Variants in CAMK1D observed in about 807,000 individuals in gnomAD.
The protein encoded by CAMK1D is calcium/calmodulin dependent protein kinase ID.
In CAMK1D, 9 loss-of-function variants were observed where a neutral mutation model predicts 47.7. That is an observed-to-expected ratio of 0.19 (90% CI 0.11 to 0.33). CAMK1D has a LOEUF of 0.33. Ranked by LOEUF, CAMK1D falls within the 10% of genes least tolerant of loss-of-function variation. CAMK1D has a pLI of 1.00. For synonymous variants in CAMK1D, 184 were observed against 184.9 expected, an observed-to-expected ratio of 0.99 and a Z score of 0.04; for missense variants, 291 against 488.7, an observed-to-expected ratio of 0.60 and a Z score of 3.81.
chr10:12,432,382 C>T (rs12217581), intron 1 of CAMK1D, among the ~76,000 whole-genome samples: 20,504 of 152,230 alleles, frequency 0.13, 1,719 homozygotes, highest in Admixed American at 0.24. Flanking sequence ...CAGCTGGGGC[C>T]TGGTTTGAAG....
At chr10:12,483,079 G>C (rs993834345) in intron 1 of CAMK1D, among the ~76,000 whole-genome samples, 1 of 152,114 alleles carries the variant, frequency 6.6e-6, no homozygotes, top group African/African-American at 2.4e-5. Context: ...CTAATGCCCA[G>C]CTTCCTCCCT....
intron 1 of CAMK1D, among the ~76,000 whole-genome samples, chr10:12,484,573 T>C (rs1163602687): frequency 6.6e-6 from 1 of 152,138 alleles, no homozygotes; most frequent in African/African-American, 2.4e-5. Flanking sequence ...TGAGCTTACT[T>C]GTTCTTCCAA....
At chr10:12,769,869 G>GTCA in intron 5 of CAMK1D, 70 bp downstream of exon 5, 1 of 1,552,774 alleles carries the variant, frequency 6.4e-7, no homozygotes, top group South Asian at 1.1e-5. Flanking sequence ...GTCACCACGT[G>GTCA]TCAACTCATC....
chr10:12,412,729 C>T (rs1839706927), intron 1 of CAMK1D, among the ~76,000 whole-genome samples: 1 of 147,410 alleles, frequency 6.8e-6, no homozygotes, highest in Non-Finnish European at 1.5e-5. Flanking sequence ...GAACAGGTGT[C>T]CATTAAAAAG....
At chr10:12,799,094 G>A (rs1462681857) in intron 6 of CAMK1D, among the ~76,000 whole-genome samples, 1 of 152,208 alleles carries the variant, frequency 6.6e-6, no homozygotes, top group Non-Finnish European at 1.5e-5. Flanking sequence ...ACACCAGCAA[G>A]TCAGGGAAAC....
intron 8 of CAMK1D, 114 bp from the exon 9 acceptor site, chr10:12,824,351 C>CTG (rs1833122305): frequency 2.4e-6 from 2 of 847,160 alleles, no homozygotes; most frequent in East Asian, 5.2e-5. Flanking sequence ...GCCAGCCACC[C>CTG]TGTCCACGAC....
intron 5 of CAMK1D, among the ~76,000 whole-genome samples, chr10:12,771,263 CCTTT>C (rs1308003634): frequency 1.3e-5 from 2 of 152,204 alleles, no homozygotes; most frequent in Admixed American, 1.3e-4. Context: ...AGTGCGGTGA[CCTTT>C]CTTCATGAGA....
At chr10:12,724,594 T>A (rs995653903) in intron 3 of CAMK1D, among the ~76,000 whole-genome samples, 1 of 152,232 alleles carries the variant, frequency 6.6e-6, no homozygotes, top group Non-Finnish European at 1.5e-5. Flanking sequence ...AGTGAATACA[T>A]CCCAGTTGTC....
intron 5 of CAMK1D, among the ~76,000 whole-genome samples, chr10:12,772,414 G>A (rs1015164911): frequency 1.3e-5 from 2 of 152,192 alleles, no homozygotes; most frequent in African/African-American, 4.8e-5. Flanking sequence ...TTCCCTTCAG[G>A]AAGTTGACCC....
At chr10:12,575,751 G>A (rs765655849) in intron 2 of CAMK1D, among the ~76,000 whole-genome samples, 2 of 152,188 alleles carry the variant, frequency 1.3e-5, no homozygotes, top group Admixed American at 6.5e-5. Flanking sequence ...AAGAATTCGC[G>A]CTCCTCTGCC....
chr10:12,699,013 G>A (rs1833407015), intron 3 of CAMK1D, among the ~76,000 whole-genome samples: 2 of 151,922 alleles, frequency 1.3e-5, no homozygotes, highest in Non-Finnish European at 2.9e-5. Flanking sequence ...AAAGAAATCA[G>A]AAGGAGCCAA....
intron 5 of CAMK1D, among the ~76,000 whole-genome samples, chr10:12,788,483 G>A (rs889442857): frequency 7.9e-5 from 12 of 152,230 alleles, no homozygotes; most frequent in African/African-American, 2.9e-4. Flanking sequence ...AACACACGCT[G>A]TCAGCTCTGC....
intron 1 of CAMK1D, among the ~76,000 whole-genome samples, chr10:12,544,179 A>G (rs1267823422): frequency 2.0e-5 from 3 of 152,228 alleles, no homozygotes; most frequent in African/African-American, 7.2e-5. Context: ...AACATTTAGC[A>G]TTTCAAGATT....
At chr10:12,692,546 G>A (rs991294605) in intron 3 of CAMK1D, among the ~76,000 whole-genome samples, 1 of 152,224 alleles carries the variant, frequency 6.6e-6, no homozygotes, top group Admixed American at 6.5e-5. Context: ...CCCTTTCTAA[G>A]CATGAAGTAA....
At chr10:12,529,960 A>G (rs944974665) in intron 1 of CAMK1D, among the ~76,000 whole-genome samples, 3 of 152,236 alleles carry the variant, frequency 2.0e-5, no homozygotes, top group Non-Finnish European at 4.4e-5. Flanking sequence ...GGCTTTGGAA[A>G]TGGAAACAAA....
At chr10:12,662,693 T>C (rs1840310571) in intron 2 of CAMK1D, among the ~76,000 whole-genome samples, 1 of 151,476 alleles carries the variant, frequency 6.6e-6, no homozygotes. Context: ...AACTTCAGAT[T>C]AAAATGATCT....
At chr10:12,504,401 T>C (rs1834807505) in intron 1 of CAMK1D, among the ~76,000 whole-genome samples, 2 of 152,062 alleles carry the variant, frequency 1.3e-5, no homozygotes, top group South Asian at 4.1e-4. Flanking sequence ...AGCACCAGTG[T>C]CCGAGGTCAG....
At chr10:12,731,796 T>TG (rs1834897498) in intron 3 of CAMK1D, among the ~76,000 whole-genome samples, 1 of 152,044 alleles carries the variant, frequency 6.6e-6, no homozygotes, top group Non-Finnish European at 1.5e-5. Flanking sequence ...AGGAGTGGGC[T>TG]GGAAAGATTG....
At chr10:12,748,521 T>C (rs1835784773) in intron 3 of CAMK1D, among the ~76,000 whole-genome samples, 1 of 152,186 alleles carries the variant, frequency 6.6e-6, no homozygotes, top group South Asian at 2.1e-4. Flanking sequence ...AAAGGCTTGC[T>C]TTCTGGAATG....
Sources: gnomAD v4.1 joint callset for allele counts (sites outside exome capture counted in the v4.1 genomes callset) on GRCh38, gnomAD v4.1.1 for gene constraint, MANE v1.5 for transcripts, NCBI Gene and HGNC (gene_info 2026-07-23, HGNC 2026-07-21) for gene names.